The following NAT1 variants were observed in gnomAD, a reference collection of about 807,000 sequenced individuals.
The protein encoded by NAT1 is arylamine N-acetyltransferase 1.
For missense variants in NAT1, 400 were observed against 339.2 expected (o/e 1.18, Z -1.41); for synonymous variants, 144 against 122.6 (o/e 1.17, Z -1.16).
At chr8:18,208,636 G>A (rs185814424), upstream of NAT1, among the ~76,000 whole-genome samples, 14 of 152,288 alleles carry the variant, frequency 9.2e-5, no homozygotes, top group East Asian at 3.9e-4. Flanking sequence ...GAGCCCAGGC[G>A]GCACAGTGTG....
chr8:18,190,802 C>T (rs1802950853), intron 2 of NAT1, among the ~76,000 whole-genome samples: 1 of 152,170 alleles, frequency 6.6e-6, no homozygotes, highest in African/African-American at 2.4e-5. Context: ...CATGGTGACT[C>T]ATGCCTGTAA....
upstream of NAT1, among the ~76,000 whole-genome samples, chr8:18,209,183 C>T (rs1803869715): frequency 6.6e-6 from 1 of 152,200 alleles, no homozygotes; most frequent in African/African-American, 2.4e-5. Context: ...GTCCCAGACC[C>T]ATAGTTTTCA....
chr8:18,199,037 G>A (rs1457680307), intron 2 of NAT1, among the ~76,000 whole-genome samples: 2 of 151,440 alleles, frequency 1.3e-5, no homozygotes, highest in Admixed American at 6.6e-5. Flanking sequence ...TTTTTGGCCT[G>A]GTGATGTGGC....
At chr8:18,221,916 C>T (rs899065980) in intron 2 of NAT1, 126 bp from the exon 3 acceptor site, 48 of 1,030,902 alleles carry the variant, frequency 4.7e-5, no homozygotes, top group Non-Finnish European at 6.6e-5. Flanking sequence ...AATGAAAGCA[C>T]TAGAAATAAT....
chr8:18,222,980 A>G lies in NAT1; in HGVS notation c.*60A>G, dbSNP rs1304362146. The G allele has an allele frequency of 1.4e-6, 2 of 1,415,822 alleles. No individual in the cohort carries two copies. The highest frequency in any genetic ancestry group is 2.5e-4 in the Middle Eastern group (1 of 4,078). The allele number at this position is 1,415,822 out of a possible 1,614,324, so 87.7% of individuals were successfully genotyped here. ...CCAGCTCACCAGTTATCAACTGACG[A>G]CCTATCATGTATCTTCTGTACCCTT... On this transcript the variant is annotated 3_prime_UTR_variant, in exon 3 of 3. Transcript: ENST00000307719.
At chr8:18,185,928 C>A (rs2106040) in intron 2 of NAT1, among the ~76,000 whole-genome samples, 1 of 152,028 alleles carries the variant, frequency 6.6e-6, no homozygotes, top group African/African-American at 2.4e-5. Flanking sequence ...TAAGTGTCCT[C>A]CTAAATTTAC....
intron 1 of NAT1, among the ~76,000 whole-genome samples, chr8:18,213,423 A>T (rs948963864): frequency 1.3e-5 from 2 of 152,174 alleles, no homozygotes; most frequent in East Asian, 3.9e-4. Flanking sequence ...TTGGCGGGCC[A>T]TCAGACTGGG....
At position 18,222,538 on chromosome 8, in the gene NAT1, T is replaced by A; in HGVS notation, c.491T>A (p.Ile164Asn). The A allele has an allele frequency of 6.2e-7, 1 of 1,614,092 alleles. No homozygotes were observed. The highest frequency in any genetic ancestry group is 1.1e-5 in the South Asian group (1 of 91,084). The change falls in exon 3 of 3, where the codon ATC becomes AAC. Residue 164 changes from isoleucine to asparagine, a missense_variant. Transcript: ENST00000307719. ...EENGFWYLDQ[I>N]RREQYIPNEE... is the part of the protein sequence containing the mutation. Reference sequence around the variant, plus strand: ...AATGGATTCTGGTATCTAGACCAAATCAGAAGGGAACAGTACATTCCAAAT... The same window carrying A: ...AATGGATTCTGGTATCTAGACCAAAACAGAAGGGAACAGTACATTCCAAAT...
intron 1 of NAT1, among the ~76,000 whole-genome samples, chr8:18,210,597 C>T (rs113255185): frequency 0.01 from 1,586 of 152,328 alleles, 25 homozygotes; most frequent in African/African-American, 0.035. Flanking sequence ...GTAACAGTGA[C>T]GCTCACCCTC....
intron 1 of NAT1, among the ~76,000 whole-genome samples, chr8:18,218,418 G>A (rs964971059): frequency 2.0e-4 from 31 of 152,132 alleles, no homozygotes; most frequent in Admixed American, 9.2e-4. Flanking sequence ...TAGAGCTTGC[G>A]GCGGGGGAGC....
Position 18,200,352 on chromosome 8 carries a change from C to G in NAT1, n.93-9429C>G, listed in dbSNP as rs184433016. Among the ~76,000 whole-genome samples, 896 of 152,188 alleles carry G rather than the reference C, an allele frequency of 5.9e-3. 12 individuals carry two copies. The highest frequency in any genetic ancestry group is 0.021 in the African/African-American group (856 of 41,508). On this transcript the variant is annotated intron_variant and non_coding_transcript_variant, in intron 2 of 4. Coordinates refer to the NAT1 transcript ENST00000517441. ...ATATACAAAATGGAATACTATGCAGCCATAAAAAAGAACAAGATCATGTCC... is the reference window on the plus strand; with the variant it reads ...ATATACAAAATGGAATACTATGCAGGCATAAAAAAGAACAAGATCATGTCC...
intron 1 of NAT1, among the ~76,000 whole-genome samples, chr8:18,210,607 C>A (rs547253782): frequency 2.0e-5 from 3 of 152,370 alleles, no homozygotes; most frequent in African/African-American, 7.2e-5. Context: ...CGCTCACCCT[C>A]CTCTGTCCCC....
At chr8:18,218,438 T>A (rs865781796) in intron 1 of NAT1, among the ~76,000 whole-genome samples, 46 of 152,166 alleles carry the variant, frequency 3.0e-4, no homozygotes, top group African/African-American at 1.1e-3. Context: ...CTGAACCCGA[T>A]GGAATTGTAA....
chr8:18,210,143 A>G lies in NAT1; in HGVS notation c.-123A>G, dbSNP rs766387901. 5.3e-5 allele frequency: 8 copies of G among 152,230 alleles called. No homozygotes were observed. Among genetic ancestry groups the G allele is most frequent in the Non-Finnish European group, 1.0e-4 (7 of 68,080 alleles). The allele number at this position is 152,230 out of a possible 1,614,324, so 9.4% of individuals were successfully genotyped here. ...TAGACCTTGGATGTGGGAGGATTGC[A>G]TTCAGTCTAGTTCCTGGTTGCCGGC... On this transcript the variant is annotated 5_prime_UTR_variant, in exon 1 of 3. Transcript: ENST00000307719.
intron 2 of NAT1, among the ~76,000 whole-genome samples, chr8:18,191,641 G>C (rs932979481): frequency 6.6e-6 from 1 of 152,114 alleles, no homozygotes; most frequent in South Asian, 2.1e-4. Context: ...TACCAAAACA[G>C]AGATATAGAT....
At chr8:18,190,183 C>G (rs1802923552) in intron 2 of NAT1, among the ~76,000 whole-genome samples, 1 of 152,192 alleles carries the variant, frequency 6.6e-6, no homozygotes, top group South Asian at 2.1e-4. Context: ...TCCCATTATA[C>G]ATAGAACAAA....
chr8:18,189,153 ATTTGCTACAGT>A (rs768594019), intron 2 of NAT1, among the ~76,000 whole-genome samples: 1 of 152,132 alleles, frequency 6.6e-6, no homozygotes, highest in Non-Finnish European at 1.5e-5. Flanking sequence ...TTGTCAGATA[ATTTGCTACAGT>A]TTTTTTCCTT....
At chr8:18,215,834 G>T (rs1161445482) in intron 1 of NAT1, among the ~76,000 whole-genome samples, 2 of 152,106 alleles carry the variant, frequency 1.3e-5, no homozygotes, top group African/African-American at 4.8e-5. Context: ...GGTTGGTGTA[G>T]ACTTGTCAAT....
intron 2 of NAT1, among the ~76,000 whole-genome samples, chr8:18,182,944 AG>A (rs1418799242): frequency 6.6e-6 from 1 of 152,158 alleles, no homozygotes; most frequent in East Asian, 1.9e-4. Context: ...ACCTATTATT[AG>A]ATTTATTACT....
Sources: gnomAD v4.1 joint callset for allele counts (sites outside exome capture counted in the v4.1 genomes callset) on GRCh38, gnomAD v4.1.1 for gene constraint, MANE v1.5 for transcripts, NCBI Gene and HGNC (gene_info 2026-07-23, HGNC 2026-07-21) for gene names.